DNAH7: variants seen among roughly 807,000 people sequenced by gnomAD.
DNAH7 encodes the protein dynein axonemal heavy chain 7, also known as axonemal beta dynein heavy chain 7.
DNAH7 carries 397 observed loss-of-function variants against 444.6 expected under a neutral mutation model. The ratio of observed to expected loss-of-function variants is 0.89; its 90% CI spans 0.82 to 0.97. The LOEUF (loss-of-function observed/expected upper bound fraction) is 0.97, where lower values mean the gene tolerates loss of function less well. Ranked by LOEUF, DNAH7 falls within the 50% of genes least tolerant of loss-of-function variation. The probability of loss-of-function intolerance (pLI) is 0.00; values close to 1 mark genes in which losing one functional copy is unlikely to be tolerated. For synonymous variants in DNAH7, 1,636 were observed against 1,624.4 expected (o/e 1.01, Z -0.17); for missense variants, 4,902 against 4,800.8 (o/e 1.02, Z -0.62).
chr2:195,747,325 C>T (rs1425584094), intron 63 of DNAH7, among the ~76,000 whole-genome samples: 1 of 151,168 alleles, frequency 6.6e-6, no homozygotes, highest in Non-Finnish European at 1.5e-5. Context: ...TGAATAGGCT[C>T]TAAAATTGTG....
intron 22 of DNAH7, among the ~76,000 whole-genome samples, 188 bp from the exon 23 acceptor site, chr2:195,923,995 C>T (rs377006646): frequency 1.3e-3 from 194 of 152,154 alleles, no homozygotes; most frequent in African/African-American, 4.6e-3. Flanking sequence ...AATCAGGCCA[C>T]GTATAATGGA....
chr2:196,056,087 C>T (rs190018769), intron 2 of DNAH7, among the ~76,000 whole-genome samples: 196 of 152,310 alleles, frequency 1.3e-3, no homozygotes, highest in Admixed American at 3.0e-3. Context: ...ATCCTGCTGG[C>T]CTCACCTTGG....
intron 1 of DNAH7, 190 bp downstream of exon 1, chr2:196,068,507 C>G: frequency 1.3e-6 from 1 of 746,120 alleles, no homozygotes. Context: ...GGGCAAACAG[C>G]TGGGAAGGGA....
intron 57 of DNAH7, among the ~76,000 whole-genome samples, chr2:195,789,769 A>T (rs888484449): frequency 7.3e-5 from 11 of 151,532 alleles, no homozygotes; most frequent in Admixed American, 5.3e-4. Flanking sequence ...AGAAAACATT[A>T]AAAAAAAACC....
At chr2:196,054,751 C>T (rs1697697797) in intron 2 of DNAH7, among the ~76,000 whole-genome samples, 1 of 152,068 alleles carries the variant, frequency 6.6e-6, no homozygotes, top group African/African-American at 2.4e-5. Context: ...GGAGCAGTTT[C>T]CCCCATGCTA....
At chr2:195,890,331 C>A (rs530828845) in intron 31 of DNAH7, among the ~76,000 whole-genome samples, 1 of 152,138 alleles carries the variant, frequency 6.6e-6, no homozygotes, top group Non-Finnish European at 1.5e-5. Context: ...GAAACACTAC[C>A]GTGCAATGGC....
At chr2:195,984,472 C>T (rs1031954225) in intron 15 of DNAH7, among the ~76,000 whole-genome samples, 160 bp downstream of exon 15, 4 of 152,084 alleles carry the variant, frequency 2.6e-5, no homozygotes, top group Admixed American at 6.6e-5. Context: ...CTCAGCCTCC[C>T]GAGTAGCTGG....
chr2:196,020,612 GTTT>G (rs201513142), intron 8 of DNAH7, among the ~76,000 whole-genome samples: 1 of 133,668 alleles, frequency 7.5e-6, no homozygotes, highest in African/African-American at 2.7e-5. Flanking sequence ...TGGGGCTTTT[GTTT>G]TTTTTTTTTT....
chr2:195,966,735 C>T (rs1215823383), intron 17 of DNAH7, among the ~76,000 whole-genome samples: 1 of 152,098 alleles, frequency 6.6e-6, no homozygotes, highest in Non-Finnish European at 1.5e-5. Flanking sequence ...GTCTTGAAGT[C>T]TATTTTGCCT....
chr2:195,892,576 A>G (rs768831322), intron 30 of DNAH7: 8 of 152,096 alleles, frequency 5.3e-5, no homozygotes, highest in Non-Finnish European at 8.8e-5. Flanking sequence ...TACTACCAAG[A>G]CACAACAGTT....
chr2:195,794,083 A>G (rs1386800453), intron 57 of DNAH7, among the ~76,000 whole-genome samples: 1 of 152,198 alleles, frequency 6.6e-6, no homozygotes, highest in Non-Finnish European at 1.5e-5. Context: ...CTGACTTTCT[A>G]AATAGAAAGC....
chr2:195,779,973 G>C lies in DNAH7; in HGVS notation c.10879-1988C>G, dbSNP rs548117497. Among the ~76,000 whole-genome samples the C allele has an allele frequency of 2.0e-5, 3 of 152,114 alleles. No individual in the cohort carries two copies. In the East Asian group the frequency reaches 5.8e-4, roughly 29 times the overall value. On this transcript the variant is annotated intron_variant, in intron 58 of 64. Transcript: ENST00000312428. ...AAACTGACTTTTATTTTTCAAATTT[G>C]TGGAAATATTTTTTCTACTTAGTTT...
At chr2:195,943,937 T>C (rs1268241971) in intron 19 of DNAH7, among the ~76,000 whole-genome samples, 1 of 152,170 alleles carries the variant, frequency 6.6e-6, no homozygotes, top group Non-Finnish European at 1.5e-5. Flanking sequence ...AGCAATCACA[T>C]GGAACACAAA....
At chr2:195,987,626 C>T (rs1693010011) in intron 13 of DNAH7, among the ~76,000 whole-genome samples, 1 of 151,930 alleles carries the variant, frequency 6.6e-6, no homozygotes, top group African/African-American at 2.4e-5. Flanking sequence ...GGTGTAATTA[C>T]CATATTTTCC....
intron 2 of DNAH7, among the ~76,000 whole-genome samples, chr2:196,052,096 T>C (rs952643813): frequency 1.3e-5 from 2 of 152,252 alleles, no homozygotes; most frequent in African/African-American, 4.8e-5. Context: ...AGACAGAGAC[T>C]TCCTTTCAAA....
chr2:195,870,130 C>T (rs779487356), intron 40 of DNAH7, among the ~76,000 whole-genome samples: 22 of 152,212 alleles, frequency 1.4e-4, no homozygotes, highest in Non-Finnish European at 2.9e-4. Context: ...TCTTTATGCA[C>T]TCATTCATTC....
intron 58 of DNAH7, among the ~76,000 whole-genome samples, chr2:195,779,837 C>T (rs1695287679): frequency 6.6e-6 from 1 of 152,124 alleles, no homozygotes; most frequent in Non-Finnish European, 1.5e-5. Context: ...AACTCCCAGG[C>T]TCAGGCAATC....
intron 24 of DNAH7, among the ~76,000 whole-genome samples, chr2:195,911,856 T>C (rs1016253344): frequency 4.6e-5 from 7 of 152,112 alleles, no homozygotes. Flanking sequence ...CATTGCCTAG[T>C]AAGGGGAAGA....
At chr2:195,938,008 G>C (rs1426587880) in intron 19 of DNAH7, among the ~76,000 whole-genome samples, 1 of 151,918 alleles carries the variant, frequency 6.6e-6, no homozygotes, top group Non-Finnish European at 1.5e-5. Context: ...GATATTTTTG[G>C]TATTTAGCCA....
Sources: gnomAD v4.1 joint callset for allele counts (sites outside exome capture counted in the v4.1 genomes callset) on GRCh38, gnomAD v4.1.1 for gene constraint, MANE v1.5 for transcripts, NCBI Gene and HGNC (gene_info 2026-07-23, HGNC 2026-07-21) for gene names.